The following SPATA17 variants were observed in gnomAD, a reference collection of about 807,000 sequenced individuals.
SPATA17 encodes spermatogenesis associated 17.
In SPATA17, 53 loss-of-function variants were observed where a neutral mutation model predicts 62.2. The ratio of observed to expected loss-of-function variants is 0.85; its 90% CI spans 0.68 to 1.07. SPATA17 has a LOEUF of 1.07. Ranked by LOEUF, SPATA17 falls within the 50% of genes least tolerant of loss-of-function variation. The pLI, the probability that SPATA17 is intolerant of heterozygous loss-of-function variation, is 0.00. For synonymous variants in SPATA17, 146 were observed against 146.8 expected (o/e 0.99, Z 0.04); for missense variants, 466 against 425.5 (o/e 1.10, Z -0.84).
chr1:217,804,858 G>T (rs1674396462), intron 9 of SPATA17, among the ~76,000 whole-genome samples: 1 of 152,150 alleles, frequency 6.6e-6, no homozygotes, highest in Non-Finnish European at 1.5e-5. Context: ...ACACATGTTA[G>T]AATGGCTATT....
intron 4 of SPATA17, among the ~76,000 whole-genome samples, chr1:217,671,710 C>T (rs1477027691): frequency 2.0e-5 from 3 of 151,944 alleles, no homozygotes; most frequent in South Asian, 2.1e-4. Flanking sequence ...GGTGGGAATG[C>T]GGTAGGGATT....
chr1:217,835,090 A>G (rs943626472), intron 9 of SPATA17, among the ~76,000 whole-genome samples: 4 of 152,154 alleles, frequency 2.6e-5, no homozygotes, highest in African/African-American at 9.7e-5. Context: ...TAGCTTTGTG[A>G]AAGTGTACTC....
At chr1:217,695,975 A>C (rs888117118) in intron 5 of SPATA17, among the ~76,000 whole-genome samples, 2 of 149,866 alleles carry the variant, frequency 1.3e-5, no homozygotes, top group African/African-American at 2.5e-5. Context: ...CCAGAGGTGG[A>C]GCCTACAGAG....
intron 5 of SPATA17, among the ~76,000 whole-genome samples, chr1:217,711,128 T>G (rs1236789178): frequency 6.6e-6 from 1 of 152,250 alleles, no homozygotes; most frequent in Admixed American, 6.5e-5. Flanking sequence ...TGAACATTCA[T>G]GTACAAGTGT....
intron 9 of SPATA17, among the ~76,000 whole-genome samples, chr1:217,850,808 A>G (rs966808700): frequency 4.6e-5 from 7 of 152,142 alleles, no homozygotes; most frequent in Admixed American, 2.0e-4. Context: ...TATAAACACA[A>G]AAGCCTGAAT....
At chr1:217,688,679 C>T (rs1342402475) in intron 5 of SPATA17, among the ~76,000 whole-genome samples, 1 of 152,200 alleles carries the variant, frequency 6.6e-6, no homozygotes. Flanking sequence ...GTCAACTGCT[C>T]ATCATTCTTT....
intron 6 of SPATA17, among the ~76,000 whole-genome samples, chr1:217,768,895 T>C (rs1429829319): frequency 1.3e-5 from 2 of 152,216 alleles, no homozygotes; most frequent in African/African-American, 4.8e-5. Context: ...TAGAGGGCGC[T>C]TACTACTGGC....
intron 9 of SPATA17, among the ~76,000 whole-genome samples, chr1:217,822,653 A>G (rs934554944): frequency 3.4e-5 from 5 of 148,270 alleles, no homozygotes; most frequent in African/African-American, 1.2e-4. Flanking sequence ...TATATAAAAT[A>G]AATATATATT....
At chr1:217,686,697 T>C (rs2102908816) in intron 5 of SPATA17, among the ~76,000 whole-genome samples, 1 of 152,280 alleles carries the variant, frequency 6.6e-6, no homozygotes, top group East Asian at 1.9e-4. Context: ...ATTTCATCAC[T>C]CAGAAATAAA....
chr1:217,754,093 A>C (rs750279626), intron 6 of SPATA17, among the ~76,000 whole-genome samples: 6 of 151,986 alleles, frequency 3.9e-5, no homozygotes, highest in African/African-American at 9.7e-5. Context: ...TTATCCAGGC[A>C]AGGTGGTGCA....
intron 6 of SPATA17, among the ~76,000 whole-genome samples, chr1:217,744,434 G>A (rs1571774678): frequency 2.5e-5 from 1 of 40,474 alleles, no homozygotes; most frequent in East Asian, 4.1e-4. Context: ...CTGCACTCCA[G>A]CCTGGGCGAC....
intron 8 of SPATA17, among the ~76,000 whole-genome samples, chr1:217,786,135 A>AG: frequency 6.6e-6 from 1 of 152,172 alleles, no homozygotes; most frequent in East Asian, 1.9e-4. Context: ...TCCAAGCTCT[A>AG]GGGACATAGT....
chr1:217,669,069 G>A lies in SPATA17; in HGVS notation c.277G>A (p.Ala93Thr). The change falls in exon 4 of 11, where the codon GCA becomes ACA. Residue 93 changes from alanine (A) to threonine (T), a missense_variant. Transcript: ENST00000366933. The part of the protein sequence containing the change: ...YYTMMMNLYN[A>T]MAVRIQRRWR... ...TACTATGATGATGAATCTCTACAAT[G>A]CAATGGCTGTCAGGGTAAATATTTC... 4 of 1,610,786 alleles carry A rather than the reference G, an allele frequency of 2.5e-6. No homozygotes were observed. The highest frequency in any genetic ancestry group is 3.4e-6 in the Non-Finnish European group (4 of 1,178,850).
At chr1:217,688,693 T>A (rs1460238201) in intron 5 of SPATA17, among the ~76,000 whole-genome samples, 1 of 152,338 alleles carries the variant, frequency 6.6e-6, no homozygotes, top group East Asian at 1.9e-4. Context: ...ATTCTTTATG[T>A]TGCTGCTTAA....
At chr1:217,852,320 A>G (rs1488955156) in intron 9 of SPATA17, among the ~76,000 whole-genome samples, 1 of 152,212 alleles carries the variant, frequency 6.6e-6, no homozygotes, top group Non-Finnish European at 1.5e-5. Context: ...CATTATTAAT[A>G]GTTCTCTTTA....
chr1:217,801,805 A>G lies in SPATA17; in HGVS notation c.960A>G (p.Lys320=). ...LSSKYGPISY[K]EQFRSENPKK... Reference sequence around the variant, plus strand: ...GCAAGTATGGTCCTATTTCTTACAAAGAACAATTCCGAAGTGAAAATCCTA... The same window carrying G: ...GCAAGTATGGTCCTATTTCTTACAAGGAACAATTCCGAAGTGAAAATCCTA... The change falls in exon 9 of 11, where the codon AAA becomes AAG. Residue 320 remains lysine, a synonymous_variant. Transcript: ENST00000366933. The G allele has an allele frequency of 6.2e-7, 1 of 1,611,346 alleles. No homozygotes were observed. The highest frequency in any genetic ancestry group is 8.5e-7 in the Non-Finnish European group (1 of 1,179,102).
At chr1:217,815,159 G>A (rs1674681494) in intron 9 of SPATA17, among the ~76,000 whole-genome samples, 1 of 152,056 alleles carries the variant, frequency 6.6e-6, no homozygotes, top group Non-Finnish European at 1.5e-5. Context: ...TGACTTTCTG[G>A]TCTTGATTTG....
chr1:217,775,857 A>G (rs1673579058), intron 7 of SPATA17, among the ~76,000 whole-genome samples: 1 of 152,150 alleles, frequency 6.6e-6, no homozygotes. Context: ...GTGAACAAAC[A>G]CTTCTTTGGC....
intron 3 of SPATA17, among the ~76,000 whole-genome samples, chr1:217,655,535 T>A (rs1670423552): frequency 6.6e-6 from 1 of 152,188 alleles, no homozygotes; most frequent in Admixed American, 6.5e-5. Context: ...ATGCTAGGTT[T>A]AGCATCCAAT....
Sources: allele counts gnomAD v4.1 joint callset (sites outside exome capture counted in the v4.1 genomes callset), GRCh38; gene constraint gnomAD v4.1.1; transcripts MANE v1.5; gene names NCBI Gene and HGNC (gene_info 2026-07-23, HGNC 2026-07-21).